The following FHIT variants were observed in gnomAD, a reference collection of about 807,000 sequenced individuals.
The protein encoded by FHIT is bis(5'-adenosyl)-triphosphatase.
Under a neutral mutation model 17.9 loss-of-function variants are expected in FHIT, and 19 were observed. The ratio of observed to expected loss-of-function variants is 1.06; its 90% CI spans 0.74 to 1.56. The LOEUF is 1.56. FHIT is among the 40% of genes most tolerant of loss of function. FHIT has a pLI of 0.00. For missense variants in FHIT, 248 were observed against 189.2 expected (o/e 1.31, Z -1.82); for synonymous variants, 81 against 69.7 (o/e 1.16, Z -0.81).
At chr3:61,100,557 A>C (rs937747412) in intron 2 of FHIT, among the ~76,000 whole-genome samples, 4 of 152,136 alleles carry the variant, frequency 2.6e-5, no homozygotes, top group Admixed American at 6.5e-5. Flanking sequence ...ATGATTTATA[A>C]TCCTTTGGGT....
In FHIT at chr3:60,786,957, GAAGA is replaced by G. The variant is rs1460872045; in HGVS notation, c.-18+34958_-18+34961del. 5.3e-5 allele frequency among the ~76,000 whole-genome samples: 7 copies of G among 132,650 alleles called. No homozygotes were observed. In the Admixed American group the frequency reaches 5.3e-4, roughly 10 times the overall value. The allele number at this position is 132,650 out of a possible 152,430, so 87.0% of individuals were successfully genotyped here. A position where few individuals can be genotyped will look rare whatever the true frequency, so the allele number is the denominator to read the frequency against. On this transcript the variant is annotated intron_variant, in intron 4 of 9. Coordinates refer to ENST00000492590, the MANE Select transcript of FHIT (RefSeq NM_002012.4). Reference sequence around the variant, plus strand: ...AGAAAGGGAGGAAGGCAAATTAAAAGAAGAAAGGGAGGAAAAGAAGCAGGAAAGA... The same window carrying G: ...AGAAAGGGAGGAAGGCAAATTAAAAGAAGGGAGGAAAAGAAGCAGGAAAGA...
intron 4 of FHIT, among the ~76,000 whole-genome samples, chr3:60,551,847 T>G (rs922211357): frequency 1.3e-5 from 2 of 151,778 alleles, no homozygotes; most frequent in Non-Finnish European, 2.9e-5. Flanking sequence ...GACATACAAT[T>G]CATATACCAT....
intron 5 of FHIT, among the ~76,000 whole-genome samples, chr3:60,112,648 A>G (rs998375009): frequency 1.3e-5 from 2 of 152,230 alleles, no homozygotes; most frequent in African/African-American, 4.8e-5. Flanking sequence ...AAGCTGGCTA[A>G]AAGAGAATCT....
intron 3 of FHIT, among the ~76,000 whole-genome samples, chr3:60,878,926 T>C (rs1424914104): frequency 1.3e-5 from 2 of 152,218 alleles, no homozygotes; most frequent in African/African-American, 2.4e-5. Context: ...TCTTTGATAT[T>C]GTGAATAGTG....
chr3:59,950,622 C>T (rs1707069299), intron 7 of FHIT, among the ~76,000 whole-genome samples: 2 of 152,172 alleles, frequency 1.3e-5, no homozygotes. Context: ...CTACTACTCT[C>T]CACCAGAATC....
rs60098225 is a variant in FHIT at position 60,626,785 on chromosome 3, CTTTT to C, written c.-17-89810_-17-89807del. On this transcript the variant is annotated intron_variant, in intron 4 of 9. Coordinates refer to ENST00000492590, the MANE Select transcript of FHIT (RefSeq NM_002012.4). ...CTTCCTTATCTTAGGGGAAAACACT[CTTTT>C]TTTTTTTTTTTTTTACGTTAAGTAT... Among the ~76,000 whole-genome samples, 3 of 133,988 alleles carry C rather than the reference CTTTT, an allele frequency of 2.2e-5. 1 individual carries two copies. Among genetic ancestry groups the C allele is most frequent in the African/African-American group, 8.3e-5 (3 of 36,212 alleles). The allele number at this position is 133,988 out of a possible 152,430, so 87.9% of individuals were successfully genotyped here. A position where few individuals can be genotyped will look rare whatever the true frequency, so the allele number is the denominator to read the frequency against.
At chr3:60,577,832 A>G (rs1553658153) in intron 4 of FHIT, among the ~76,000 whole-genome samples, 1 of 152,178 alleles carries the variant, frequency 6.6e-6, no homozygotes, top group Non-Finnish European at 1.5e-5. Flanking sequence ...TGGCTGTTAC[A>G]AAAACAAACT....
intron 3 of FHIT, among the ~76,000 whole-genome samples, chr3:60,977,962 G>T (rs1017408703): frequency 1.3e-5 from 2 of 152,130 alleles, no homozygotes; most frequent in African/African-American, 2.4e-5. Flanking sequence ...GAAAACCCTT[G>T]TCAGAAATTC....
At chr3:60,769,744 C>T (rs1273214829) in intron 4 of FHIT, among the ~76,000 whole-genome samples, 4 of 152,168 alleles carry the variant, frequency 2.6e-5, no homozygotes, top group African/African-American at 4.8e-5. Context: ...GAAGTATGGC[C>T]GCTGGGATTG....
chr3:59,913,396 TCAAA>T (rs1332006075), intron 8 of FHIT, among the ~76,000 whole-genome samples: 1 of 152,168 alleles, frequency 6.6e-6, no homozygotes, highest in African/African-American at 2.4e-5. Flanking sequence ...GGCTTTGTAG[TCAAA>T]CAGACTTTGA....
chr3:60,434,369 A>G (rs954937837), intron 5 of FHIT, among the ~76,000 whole-genome samples: 1 of 152,126 alleles, frequency 6.6e-6, no homozygotes, highest in Non-Finnish European at 1.5e-5. Flanking sequence ...GCAGGAATAA[A>G]AAGTACAACT....
intron 3 of FHIT, among the ~76,000 whole-genome samples, chr3:60,835,781 T>C (rs11915490): frequency 1.3e-5 from 2 of 151,964 alleles, no homozygotes; most frequent in African/African-American, 4.8e-5. Context: ...CCAGGCCTGG[T>C]TCATTTGTTG....
At chr3:61,202,337 C>T (rs939362903) in intron 1 of FHIT, among the ~76,000 whole-genome samples, 1 of 151,462 alleles carries the variant, frequency 6.6e-6, no homozygotes, top group African/African-American at 2.4e-5. Context: ...GGCAGCCGCC[C>T]TGTCTGGGAA....
chr3:61,176,781 G>A (rs2038168915), intron 2 of FHIT, among the ~76,000 whole-genome samples: 1 of 152,150 alleles, frequency 6.6e-6, no homozygotes. Context: ...CTGTTGCATG[G>A]GCCCTCAGAG....
chr3:59,752,349 C>G, intron 8 of FHIT, 28 bp from the exon 9 acceptor site: 1 of 1,567,336 alleles, frequency 6.4e-7, no homozygotes, highest in Non-Finnish European at 8.7e-7. Flanking sequence ...GGAAGAGGCT[C>G]TTTCATGGGC....
intron 5 of FHIT, among the ~76,000 whole-genome samples, chr3:60,351,494 G>T (rs1342515233): frequency 1.3e-5 from 2 of 152,174 alleles, no homozygotes; most frequent in African/African-American, 4.8e-5. Flanking sequence ...AACAGAGGTA[G>T]TCAAGAGCAG....
At chr3:60,127,426 T>A (rs533418249) in intron 5 of FHIT, among the ~76,000 whole-genome samples, 1 of 152,038 alleles carries the variant, frequency 6.6e-6, no homozygotes, top group Admixed American at 6.6e-5. Context: ...AATAACTTCC[T>A]CCCCCTTTCC....
intron 5 of FHIT, among the ~76,000 whole-genome samples, chr3:60,328,493 C>T (rs564941767): frequency 1.3e-5 from 2 of 152,132 alleles, no homozygotes; most frequent in Admixed American, 6.5e-5. Context: ...TTTATAAAAC[C>T]ATTGGATCTT....
At chr3:60,820,672 A>C (rs555820128) in intron 4 of FHIT, among the ~76,000 whole-genome samples, 10 of 152,332 alleles carry the variant, frequency 6.6e-5, no homozygotes, top group African/African-American at 2.4e-4. Flanking sequence ...CACGAAGGAT[A>C]AGCTGGCTGA....
Sources: gnomAD v4.1 joint callset for allele counts (sites outside exome capture counted in the v4.1 genomes callset) on GRCh38, gnomAD v4.1.1 for gene constraint, MANE v1.5 for transcripts, NCBI Gene and HGNC (gene_info 2026-07-23, HGNC 2026-07-21) for gene names.